DDX42: variants seen among roughly 807,000 people sequenced by gnomAD.
DDX42 encodes DEAD-box helicase 42.
Under a neutral mutation model 101.5 loss-of-function variants are expected in DDX42, and 22 were observed. The observed-to-expected ratio is 0.22, with a 90% CI of 0.15 to 0.31. The LOEUF is 0.31. Among genes scored for constraint, DDX42 ranks in the 10% least tolerant of loss-of-function variants. DDX42 has a pLI of 1.00. For synonymous variants in DDX42, 402 were observed against 401.2 expected (o/e 1.00, Z -0.02); for missense variants, 849 against 1,199.9 (o/e 0.71, Z 4.32).
At chr17:63,806,293 T>A in intron 7 of DDX42, 1 of 315,246 alleles carries the variant, frequency 3.2e-6, no homozygotes, top group Non-Finnish European at 5.6e-6. Context: ...GTTAAGAAAT[T>A]TTTAATCATT....
intron 2 of DDX42, among the ~76,000 whole-genome samples, chr17:63,790,137 ACT>A (rs1414119788): frequency 1.3e-5 from 2 of 152,048 alleles, no homozygotes; most frequent in African/African-American, 4.8e-5. Flanking sequence ...TCAGAGTGAG[ACT>A]CTGTCTCTAA....
intron 2 of DDX42, among the ~76,000 whole-genome samples, chr17:63,788,547 C>G (rs2039579189): frequency 6.6e-6 from 1 of 151,894 alleles, no homozygotes; most frequent in South Asian, 2.1e-4. Flanking sequence ...ACCTCATGAT[C>G]CGCCCGCCTC....
In DDX42 at chr17:63,800,601, C is replaced by A; in HGVS notation, c.605C>A (p.Pro202His). 1 of 1,613,996 alleles carries A rather than the reference C, an allele frequency of 6.2e-7. No individual in the cohort carries two copies. Among genetic ancestry groups the A allele is most frequent in the Non-Finnish European group, 8.5e-7 (1 of 1,179,928 alleles). The change falls in exon 6 of 18, where the codon CCC (proline) becomes CAC (histidine). Residue 202 changes from proline (P) to histidine (H), a missense_variant. Pro to His is a moderately conservative substitution (Grantham distance 77, BLOSUM62 -2). Transcript: ENST00000389924. ...PTKKIIDPLP[P>H]IDHSEIDYPP... ...AAAAAAATCATTGATCCTCTTCCCC[C>A]CATTGATCATTCAGAGGTATGGTGT...
intron 3 of DDX42, among the ~76,000 whole-genome samples, chr17:63,793,476 C>T (rs773679623): frequency 6.6e-6 from 1 of 152,240 alleles, no homozygotes; most frequent in Non-Finnish European, 1.5e-5. Context: ...CTTTGTTAAC[C>T]AGGCTGGTTT....
At chr17:63,799,114 C>T (rs1331080335) in intron 4 of DDX42, among the ~76,000 whole-genome samples, 2 of 152,144 alleles carry the variant, frequency 1.3e-5, no homozygotes, top group African/African-American at 2.4e-5. Context: ...TCACTCTGTC[C>T]CCATCCCTAA....
chr17:63,799,785 A>G (rs1236396181), intron 5 of DDX42, among the ~76,000 whole-genome samples, 160 bp downstream of exon 5: 1 of 152,252 alleles, frequency 6.6e-6, no homozygotes, highest in Non-Finnish European at 1.5e-5. Context: ...AATTGGTAAT[A>G]CATAGATTCA....
At chr17:63,776,316 G>A (rs1048839791) in intron 1 of DDX42, 1 of 152,292 alleles carries the variant, frequency 6.6e-6, no homozygotes, top group African/African-American at 2.4e-5. Context: ...CTTTCTCCCT[G>A]GAATGTCTTC....
rs1254698561 is a variant in DDX42, at chr17:63,798,041, C to G, written c.376C>G (p.Gln126Glu). The G allele has an allele frequency of 6.2e-7, 1 of 1,610,886 alleles. No individual in the cohort carries two copies. The highest frequency in any genetic ancestry group is 8.5e-7 in the Non-Finnish European group (1 of 1,178,696). ...LEAFMAEVED[Q>E]AARDMKRLEE... is the part of the protein sequence containing the mutation. ...ATACAGCCTTTTGTTTCATTAGGAT[C>G]AGGCAGCTAGAGACATGAAGAGGCT... The change falls in exon 4 of 18, where the codon CAG becomes GAG. Residue 126 changes from glutamine (Q) to glutamate (E), a missense_variant. Physicochemically the swap from Gln to Glu is conservative, Grantham distance 29. Transcript: ENST00000389924.
intron 8 of DDX42, among the ~76,000 whole-genome samples, chr17:63,807,024 T>A (rs186556117): frequency 6.6e-6 from 1 of 152,258 alleles, no homozygotes; most frequent in Non-Finnish European, 1.5e-5. Context: ...TTTATTCTTA[T>A]GCAGAACATT....
In DDX42 at chr17:63,805,225, G is replaced by A. The variant is rs752462991; in HGVS notation, c.726+50G>A. 1.3e-5 allele frequency: 21 copies of A among 1,585,476 alleles called. No homozygotes were observed. The South Asian group carries it at 2.3e-4, about 18-fold the overall frequency. The stretch of plus-strand genomic sequence containing the variant: ...CTTAATATTAATGTTAATTAGTCCA[G>A]ATTTAGTATTATTGGTTATCTAAAC... On this transcript the variant is annotated intron_variant, in intron 7 of 17. Transcript: ENST00000389924.
intron 15 of DDX42, 74 bp from the exon 16 acceptor site, chr17:63,815,489 C>A: frequency 8.7e-7 from 1 of 1,144,996 alleles, no homozygotes; most frequent in Non-Finnish European, 1.3e-6. Flanking sequence ...CACTTAATTT[C>A]CTCTTTGTCC....
chr17:63,793,707 T>G (rs1168480581), intron 3 of DDX42, among the ~76,000 whole-genome samples: 1 of 152,096 alleles, frequency 6.6e-6, no homozygotes, highest in Non-Finnish European at 1.5e-5. Flanking sequence ...CATCTGTTAT[T>G]TGTGATCCTT....
At chr17:63,811,037 T>A in intron 12 of DDX42, 39 bp from the exon 13 acceptor site, 1 of 1,563,462 alleles carries the variant, frequency 6.4e-7, no homozygotes, top group Non-Finnish European at 8.8e-7. Flanking sequence ...CATAAAGATA[T>A]CATATTGTTT....
chr17:63,774,249 C>T lies in DDX42; in HGVS notation c.-144C>T, dbSNP rs989280719. On this transcript the variant is annotated 5_prime_UTR_variant, in exon 1 of 18. Transcript: ENST00000389924. The stretch of plus-strand genomic sequence containing the variant: ...GCGGCGGCGGTGGTGGTGGTGGCGG[C>T]GGCGGCGGCGAAGGGGGCGGAGAGG... 1.4e-4 allele frequency: 42 copies of T among 291,630 alleles called. No homozygotes were observed. Among genetic ancestry groups the T allele is most frequent in the Middle Eastern group, 9.7e-4 (1 of 1,026 alleles). 18.1% of individuals were successfully genotyped at this position (291,630 alleles called of 1,614,324 possible).
In DDX42 at chr17:63,792,622, A is replaced by C. The variant is rs144978049; in HGVS notation, c.372+60A>C. The C allele has an allele frequency of 1.9e-5, 29 of 1,501,266 alleles. No homozygotes were observed. The African/African-American group carries it at 3.7e-4, about 19-fold the overall frequency. The allele number at this position is 1,501,266 out of a possible 1,614,324, so 93.0% of individuals were successfully genotyped here. On this transcript the variant is annotated intron_variant, in intron 3 of 17. Coordinates refer to ENST00000389924, the MANE Select transcript of DDX42 (RefSeq NM_203499.3). Reference sequence around the variant, plus strand: ...AGTTAGAAATAGATCAAGTTAACTTAGTACTTCAAATCTTATTCAAAATTT... The same window carrying C: ...AGTTAGAAATAGATCAAGTTAACTTCGTACTTCAAATCTTATTCAAAATTT...
intron 1 of DDX42, among the ~76,000 whole-genome samples, chr17:63,776,741 C>G (rs2039426140): frequency 6.6e-6 from 1 of 151,230 alleles, no homozygotes; most frequent in Admixed American, 6.6e-5. Context: ...GCTGGGATTA[C>G]AGGCGTGAGC....
intron 1 of DDX42, among the ~76,000 whole-genome samples, chr17:63,786,586 A>T (rs2039550019): frequency 6.6e-6 from 1 of 152,118 alleles, no homozygotes; most frequent in Admixed American, 6.5e-5. Flanking sequence ...CACTCTCCTG[A>T]CTACAGTGTT....
At position 63,813,248 on chromosome 17, in the gene DDX42, T is replaced by G; in HGVS notation, c.1696T>G (p.Ser566Ala). Residue 566 changes from serine (S) to alanine (A), a missense_variant, in exon 15 of 18, where the codon TCA becomes GCA. By Grantham distance (99) the Ser-to-Ala change is moderately conservative. Coordinates refer to ENST00000389924, the MANE Select transcript of DDX42 (RefSeq NM_203499.3). ...DVAARGLDIP[S>A]IKTVINYDVA... ...TTCAGCCCGTGGTCTGGACATTCCT[T>G]CAATTAAGACTGTCATTAACTATGA... is the stretch of plus-strand genomic sequence containing the variant. 1 of 1,607,574 alleles carries G rather than the reference T, an allele frequency of 6.2e-7. No individual in the cohort carries two copies. Among genetic ancestry groups the G allele is most frequent in the Non-Finnish European group, 8.5e-7 (1 of 1,174,734 alleles).
At chr17:63,803,172 A>G (rs2039793956) in intron 6 of DDX42, among the ~76,000 whole-genome samples, 1 of 152,252 alleles carries the variant, frequency 6.6e-6, no homozygotes, top group Admixed American at 6.5e-5. Flanking sequence ...CTCAAAATAC[A>G]TGATAAATAA....
Sources: gnomAD v4.1 joint callset for allele counts (sites outside exome capture counted in the v4.1 genomes callset) on GRCh38, gnomAD v4.1.1 for gene constraint, MANE v1.5 for transcripts, NCBI Gene and HGNC (gene_info 2026-07-23, HGNC 2026-07-21) for gene names.